Variants in SORBS2 observed in about 807,000 individuals in gnomAD.
SORBS2 encodes sorbin and SH3 domain containing 2, also known as sorbin and SH3 domain-containing protein 2.
SORBS2 carries 46 observed loss-of-function variants against 97.7 expected under a neutral mutation model. The observed-to-expected ratio is 0.47, with a 90% CI of 0.37 to 0.60. SORBS2 has a LOEUF of 0.60. Ranked by LOEUF, SORBS2 falls within the 20% of genes least tolerant of loss-of-function variation. The probability of loss-of-function intolerance (pLI) is 0.00; values close to 1 mark genes in which losing one functional copy is unlikely to be tolerated. For missense variants in SORBS2, 1,316 were observed against 1,282.3 expected, an observed-to-expected ratio of 1.03 and a Z score of -0.40; for synonymous variants, 476 against 473.4, an observed-to-expected ratio of 1.01 and a Z score of -0.07.
At chr4:185,728,984 C>T (rs2098590491) in intron 2 of SORBS2, among the ~76,000 whole-genome samples, 1 of 152,204 alleles carries the variant, frequency 6.6e-6, no homozygotes, top group Admixed American at 6.5e-5. Context: ...TCTCTTCTTC[C>T]TTAGCTGTCA....
chr4:185,699,646 G>T (rs1313136967), intron 2 of SORBS2, among the ~76,000 whole-genome samples: 4 of 152,020 alleles, frequency 2.6e-5, no homozygotes, highest in African/African-American at 9.7e-5. Context: ...AAATTTGAAC[G>T]AGAAAATAAT....
intron 4 of SORBS2, chr4:185,665,995 C>T (rs13109459): frequency 5.8e-5 from 75 of 1,286,136 alleles, no homozygotes; most frequent in African/African-American, 3.8e-4. Flanking sequence ...ATGGGAAAGG[C>T]TCTGGGGATT....
At chr4:185,802,057 C>T (rs2099133539) in intron 1 of SORBS2, among the ~76,000 whole-genome samples, 1 of 152,180 alleles carries the variant, frequency 6.6e-6, no homozygotes, top group African/African-American at 2.4e-5. Context: ...ATTAAAATAC[C>T]ATTTTCTCTA....
chr4:185,746,913 C>T (rs1380420690), intron 2 of SORBS2, among the ~76,000 whole-genome samples: 1 of 152,138 alleles, frequency 6.6e-6, no homozygotes, highest in Admixed American at 6.5e-5. Context: ...TGTGCCTGTG[C>T]CCTGTATTTG....
At chr4:185,851,662 C>T (rs1579189671) in intron 1 of SORBS2, among the ~76,000 whole-genome samples, 3 of 152,076 alleles carry the variant, frequency 2.0e-5, no homozygotes, top group Admixed American at 6.6e-5. Flanking sequence ...GGAAGGCAGA[C>T]CCACCCTTAA....
intron 1 of SORBS2, among the ~76,000 whole-genome samples, chr4:185,818,232 C>T (rs1159897376): frequency 6.6e-6 from 1 of 152,286 alleles, no homozygotes; most frequent in East Asian, 1.9e-4. Flanking sequence ...CTCTGTCGTC[C>T]AGGCTGGAGT....
At chr4:185,936,208 T>A (rs1437117516) in intron 1 of SORBS2, among the ~76,000 whole-genome samples, 1 of 152,210 alleles carries the variant, frequency 6.6e-6, no homozygotes, top group Admixed American at 6.5e-5. Flanking sequence ...CTTAGTCCCA[T>A]ATTTAGTTGT....
intron 2 of SORBS2, among the ~76,000 whole-genome samples, chr4:185,690,284 G>A (rs556323456): frequency 1.8e-4 from 28 of 152,270 alleles, no homozygotes; most frequent in Admixed American, 1.3e-4. Context: ...ACAAACAAAC[G>A]ACATACTACC....
chr4:185,678,192 A>G (rs1293219546), intron 4 of SORBS2, among the ~76,000 whole-genome samples: 1 of 152,202 alleles, frequency 6.6e-6, no homozygotes. Context: ...TATGTTAAAA[A>G]CCGACATACT....
chr4:185,756,041 A>C (rs1000876954), intron 2 of SORBS2, among the ~76,000 whole-genome samples: 1 of 152,228 alleles, frequency 6.6e-6, no homozygotes, highest in Non-Finnish European at 1.5e-5. Context: ...GATTTAAAAC[A>C]AGTGAAGACA....
At chr4:185,753,969 A>G (rs1168344265) in intron 2 of SORBS2, among the ~76,000 whole-genome samples, 2 of 152,226 alleles carry the variant, frequency 1.3e-5, no homozygotes, top group South Asian at 2.1e-4. Flanking sequence ...AAGGAATATA[A>G]ATCATTTTAT....
chr4:185,611,721 A>C lies in SORBS2; in HGVS notation c.2796+59T>G. The stretch of plus-strand genomic sequence containing the variant: ...CTAATCTAATATCCTAAAGTCACAC[A>C]CCGATTATCTTACTTGGAGCTTCCA... On this transcript the variant is annotated intron_variant, in intron 12 of 14. Coordinates refer to ENST00000418609, the Ensembl canonical transcript of SORBS2. The C allele has an allele frequency of 3.0e-6, 4 of 1,333,258 alleles. No individual in the cohort carries two copies. In the South Asian group the frequency reaches 4.8e-5, roughly 16 times the overall value. 82.6% of individuals were successfully genotyped at this position (1,333,258 alleles called of 1,614,324 possible).
rs1460529937 is a variant in SORBS2 at position 185,677,705 on chromosome 4, G to A, written c.-46+718C>T. 4 of 1,320,340 alleles carry A rather than the reference G, an allele frequency of 3.0e-6. No individual in the cohort carries two copies. In the African/African-American group the frequency reaches 5.9e-5, roughly 20 times the overall value. 81.8% of individuals were successfully genotyped at this position (1,320,340 alleles called of 1,614,324 possible). ...AGAAAAACAGAGAAAGTCCAAGTTA[G>A]TCATGAAAGAAACCAGTGTCAACCT... On this transcript the variant is annotated intron_variant, in intron 4 of 20. Coordinates refer to the SORBS2 transcript ENST00000284776.
intron 2 of SORBS2, among the ~76,000 whole-genome samples, chr4:185,767,476 G>C (rs994199169): frequency 7.5e-6 from 1 of 133,498 alleles, no homozygotes; most frequent in African/African-American, 2.8e-5. Context: ...CTCCAGCCTG[G>C]GCGACAGAGT....
chr4:185,885,539 C>T (rs1405140027), intron 1 of SORBS2, among the ~76,000 whole-genome samples: 1 of 152,190 alleles, frequency 6.6e-6, no homozygotes, highest in East Asian at 1.9e-4. Flanking sequence ...AGCTCAAAAG[C>T]GTAACATTTC....
chr4:185,781,124 G>C (rs1281043858), intron 1 of SORBS2, among the ~76,000 whole-genome samples: 1 of 151,946 alleles, frequency 6.6e-6, no homozygotes, highest in African/African-American at 2.4e-5. Context: ...TTTTAGTAGA[G>C]ACGGGTTTCA....
intron 2 of SORBS2, among the ~76,000 whole-genome samples, chr4:185,718,359 A>C (rs2098483491): frequency 6.6e-6 from 1 of 152,226 alleles, no homozygotes; most frequent in Admixed American, 6.5e-5. Flanking sequence ...TGTGCTCTGA[A>C]TGCAGCTGAA....
Position 185,601,574 on chromosome 4 carries a change from T to A in SORBS2, c.2797-7639A>T, listed in dbSNP as rs182781176. On this transcript the variant is annotated intron_variant, in intron 12 of 14. Transcript: ENST00000418609. ...ACCAGTCCCGGACACCCTTCATTTA[T>A]GTGTAAGAGCAATATATTTCTACGT... Among the ~76,000 whole-genome samples, 133 of 152,302 alleles carry A rather than the reference T, an allele frequency of 8.7e-4. 2 individuals are homozygous for A. In the Middle Eastern group the frequency reaches 0.01, roughly 12 times the overall value.
chr4:185,604,020 AG>A, intron 12 of SORBS2, among the ~76,000 whole-genome samples: 1 of 152,300 alleles, frequency 6.6e-6, no homozygotes, highest in South Asian at 2.1e-4. Context: ...GTCCACTGAG[AG>A]GTGATGGAGA....
Sources: gnomAD v4.1 joint callset for allele counts (sites outside exome capture counted in the v4.1 genomes callset) on GRCh38, gnomAD v4.1.1 for gene constraint, MANE v1.5 for transcripts, NCBI Gene and HGNC (gene_info 2026-07-23, HGNC 2026-07-21) for gene names.